Variants in ADAMTSL1 observed in about 807,000 individuals in gnomAD.
The protein encoded by ADAMTSL1 is ADAMTS like 1.
A neutral mutation model predicts 201.8 loss-of-function variants in ADAMTSL1; 126 were observed. The observed-to-expected ratio is 0.62, with a 90% CI of 0.54 to 0.72. The LOEUF (loss-of-function observed/expected upper bound fraction) is 0.72, where lower values mean the gene tolerates loss of function less well. Among genes scored for constraint, ADAMTSL1 ranks in the 30% least tolerant of loss-of-function variants. The pLI is 0.00. For missense variants in ADAMTSL1, 2,679 were observed against 2,277.8 expected (o/e 1.18, Z -3.59); for synonymous variants, 1,121 against 903.4 (o/e 1.24, Z -4.32).
intron 1 of ADAMTSL1, among the ~76,000 whole-genome samples, chr9:18,016,898 A>AT (rs1452024364): frequency 3.3e-5 from 5 of 152,078 alleles, no homozygotes; most frequent in East Asian, 3.9e-4. Flanking sequence ...TCATAAAAAT[A>AT]TTTTTTCTGT....
rs1321178172 is a variant in ADAMTSL1 at position 18,886,164 on chromosome 9, GTGTATATATATATA to G, written c.4250-1665_4250-1652del. ...TGTATATATACATGTGAGTGTGTAT[GTGTATATATATATA>G]TATATATATATATATATATATATAT... On this transcript the variant is annotated intron_variant, in intron 23 of 28. Coordinates refer to ENST00000380548, the MANE Select transcript of ADAMTSL1 (RefSeq NM_001040272.6). 7.6e-3 allele frequency among the ~76,000 whole-genome samples: 474 copies of G among 62,222 alleles called. 14 individuals are homozygous for G. The highest frequency in any genetic ancestry group is 0.04 in the East Asian group (82 of 2,058). The allele number at this position is 62,222 out of a possible 152,430, so 40.8% of individuals were successfully genotyped here. A position where few individuals can be genotyped will look rare whatever the true frequency, so the allele number is the denominator to read the frequency against.
chr9:18,702,865 C>A (rs992876715), intron 13 of ADAMTSL1, among the ~76,000 whole-genome samples: 29 of 151,946 alleles, frequency 1.9e-4, no homozygotes, highest in African/African-American at 5.8e-4. Flanking sequence ...CGGGCCCAAG[C>A]AATTCTCCTG....
At chr9:18,746,745 C>A (rs931970158) in intron 15 of ADAMTSL1, among the ~76,000 whole-genome samples, 5 of 144,216 alleles carry the variant, frequency 3.5e-5, no homozygotes, top group African/African-American at 1.3e-4. Context: ...CTTGGCAACT[C>A]ACATAATGAG....
chr9:18,312,580 A>G (rs4961633), intron 2 of ADAMTSL1, among the ~76,000 whole-genome samples: 58,055 of 151,994 alleles, frequency 0.38, 11,492 homozygotes, highest in Admixed American at 0.54. Context: ...AGTATGCTAT[A>G]CCAAGACGTT....
chr9:18,607,563 A>T (rs1825103560), intron 4 of ADAMTSL1, among the ~76,000 whole-genome samples: 1 of 138,848 alleles, frequency 7.2e-6, no homozygotes, highest in African/African-American at 2.6e-5. Context: ...CAGCATTTTC[A>T]TAATTTCTTT....
At chr9:18,337,984 G>A (rs968281584) in intron 2 of ADAMTSL1, among the ~76,000 whole-genome samples, 4 of 152,234 alleles carry the variant, frequency 2.6e-5, no homozygotes, top group African/African-American at 7.2e-5. Flanking sequence ...GGTTACAGGA[G>A]TGGGGCAAAA....
intron 1 of ADAMTSL1, among the ~76,000 whole-genome samples, chr9:17,915,691 C>T (rs1434345025): frequency 1.3e-5 from 2 of 152,206 alleles, no homozygotes; most frequent in East Asian, 1.9e-4. Context: ...GTTCCAGTTC[C>T]TCTGCATCCT....
intron 2 of ADAMTSL1, among the ~76,000 whole-genome samples, chr9:18,273,956 T>A (rs910146263): frequency 2.0e-5 from 3 of 152,228 alleles, no homozygotes; most frequent in African/African-American, 7.2e-5. Context: ...CAGGTACGTT[T>A]CCCTAAAATG....
chr9:17,932,669 G>A (rs1395056919), intron 1 of ADAMTSL1, among the ~76,000 whole-genome samples: 1 of 152,136 alleles, frequency 6.6e-6, no homozygotes, highest in Non-Finnish European at 1.5e-5. Context: ...AATCTTTTCT[G>A]TGTGTTGGGT....
intron 1 of ADAMTSL1, among the ~76,000 whole-genome samples, chr9:18,127,668 T>C (rs923511522): frequency 2.0e-5 from 3 of 152,166 alleles, no homozygotes; most frequent in African/African-American, 7.2e-5. Flanking sequence ...TCAACCTTGT[T>C]TTAAGGAGTC....
intron 2 of ADAMTSL1, among the ~76,000 whole-genome samples, chr9:18,449,070 T>C (rs113785079): frequency 1.3e-5 from 2 of 148,644 alleles, no homozygotes; most frequent in African/African-American, 2.4e-5. Context: ...CAGTTACTCA[T>C]AAATCCTGTT....
intron 1 of ADAMTSL1, among the ~76,000 whole-genome samples, chr9:18,020,127 GCTTGGAAGTAGATGATGGAAGTAGAC>G (rs1450938582): frequency 6.6e-6 from 1 of 152,050 alleles, no homozygotes; most frequent in South Asian, 2.1e-4. Flanking sequence ...ACTCAGTATA[GCTTGGAAGTAGATGATGGAAGTAGAC>G]CTTGGAAGTA....
rs545850691 is a variant in ADAMTSL1 at position 18,396,180 on chromosome 9, G to T, written c.208-108649G>T. 1.4e-4 allele frequency among the ~76,000 whole-genome samples: 21 copies of T among 152,264 alleles called. No homozygotes were observed. The South Asian group carries it at 4.4e-3, about 32-fold the overall frequency. On this transcript the variant is annotated intron_variant, in intron 2 of 29. Transcript: ENST00000680146. Reference sequence around the variant, plus strand: ...TAAACTGTTGGCCTGCCTCTTAGGTGCTCCTGCCTTTGCACAGTCCCAGTT... The same window carrying T: ...TAAACTGTTGGCCTGCCTCTTAGGTTCTCCTGCCTTTGCACAGTCCCAGTT...
intron 2 of ADAMTSL1, among the ~76,000 whole-genome samples, chr9:18,461,534 A>G (rs528310156): frequency 1.3e-5 from 2 of 152,316 alleles, no homozygotes; most frequent in East Asian, 3.9e-4. Context: ...GTTCACAGAC[A>G]GGGTAGACAT....
chr9:18,561,801 C>T (rs568885995), intron 3 of ADAMTSL1, among the ~76,000 whole-genome samples: 2 of 152,086 alleles, frequency 1.3e-5, no homozygotes, highest in African/African-American at 4.8e-5. Context: ...CTGTTTTGAT[C>T]TTTGTTGGTT....
chr9:18,304,452 C>G (rs187141904), intron 2 of ADAMTSL1, among the ~76,000 whole-genome samples: 14 of 152,128 alleles, frequency 9.2e-5, no homozygotes, highest in African/African-American at 3.1e-4. Flanking sequence ...ATTAAAATAG[C>G]AAAACCTGGT....
intron 13 of ADAMTSL1, among the ~76,000 whole-genome samples, chr9:18,697,325 T>C (rs375511218): frequency 1.1e-4 from 17 of 152,232 alleles, no homozygotes; most frequent in African/African-American, 3.9e-4. Flanking sequence ...AATACATATA[T>C]TATTATGGAC....
intron 14 of ADAMTSL1, among the ~76,000 whole-genome samples, chr9:18,708,118 C>A (rs1406680770): frequency 6.6e-6 from 1 of 152,178 alleles, no homozygotes; most frequent in East Asian, 1.9e-4. Context: ...TGGAAAAAAG[C>A]ACTAAAATGA....
At chr9:18,656,826 T>C (rs1472760943) in intron 7 of ADAMTSL1, among the ~76,000 whole-genome samples, 5 of 152,128 alleles carry the variant, frequency 3.3e-5, no homozygotes, top group Non-Finnish European at 2.9e-5. Context: ...TATCATTCTG[T>C]CTTCATGAAA....
Sources: gnomAD v4.1 joint callset for allele counts (sites outside exome capture counted in the v4.1 genomes callset) on GRCh38, gnomAD v4.1.1 for gene constraint, MANE v1.5 for transcripts, NCBI Gene and HGNC (gene_info 2026-07-23, HGNC 2026-07-21) for gene names.